Variants in TXNRD2 observed in about 807,000 individuals in gnomAD.
TXNRD2 encodes thioredoxin reductase 2, mitochondrial.
In TXNRD2, 67 loss-of-function variants were observed where a neutral mutation model predicts 70.8. That is an observed-to-expected ratio of 0.95 (90% CI 0.78 to 1.16). The LOEUF (loss-of-function observed/expected upper bound fraction) is 1.16. Ranked by LOEUF, TXNRD2 falls within the 50% of genes most tolerant of loss-of-function variation. The pLI, the probability that TXNRD2 is intolerant of heterozygous loss-of-function variation, is 0.00. For synonymous variants in TXNRD2, 301 were observed against 295.8 expected, an observed-to-expected ratio of 1.02 and a Z score of -0.18; for missense variants, 644 against 719.9, an observed-to-expected ratio of 0.89 and a Z score of 1.21.
rs539994204 is a variant in TXNRD2, at chr22:19,927,576, C to T, written c.172+3454G>A. On this transcript the variant is annotated intron_variant, in intron 2 of 17. Coordinates refer to ENST00000400521, the MANE Select transcript of TXNRD2 (RefSeq NM_006440.5). ...GGCTGAGGTGGGAAAATCGCTTGAA[C>T]CCGGGAGGTGGAGGTTGCAGTGAGC... 1.1e-3 allele frequency among the ~76,000 whole-genome samples: 170 copies of T among 148,466 alleles called. 1 individual carries two copies. Among genetic ancestry groups the T allele is most frequent in the Non-Finnish European group, 2.2e-3 (149 of 67,452 alleles).
intron 11 of TXNRD2, among the ~76,000 whole-genome samples, chr22:19,886,894 C>A (rs1939057660): frequency 6.6e-6 from 1 of 152,184 alleles, no homozygotes; most frequent in African/African-American, 2.4e-5. Flanking sequence ...CCTGGGGCAC[C>A]AGCTTGCCAT....
chr22:19,931,747 T>C (rs1941368293), intron 1 of TXNRD2, among the ~76,000 whole-genome samples: 1 of 152,064 alleles, frequency 6.6e-6, no homozygotes, highest in African/African-American at 2.4e-5. Flanking sequence ...AAGCAATCCT[T>C]CCACCTTGGC....
intron 2 of TXNRD2, among the ~76,000 whole-genome samples, chr22:19,928,126 A>C (rs1030125638): frequency 2.0e-5 from 3 of 146,636 alleles, no homozygotes; most frequent in African/African-American, 7.6e-5. Flanking sequence ...AAAAAAAAAA[A>C]CTTGAGTAAA....
intron 7 of TXNRD2, among the ~76,000 whole-genome samples, chr22:19,912,828 C>A (rs2146029645): frequency 6.6e-6 from 1 of 152,370 alleles, no homozygotes; most frequent in Middle Eastern, 3.4e-3. Flanking sequence ...GGGGCCGCTC[C>A]TTTCCCTGTT....
chr22:19,922,686 T>C (rs543707835), intron 2 of TXNRD2, among the ~76,000 whole-genome samples: 1 of 152,218 alleles, frequency 6.6e-6, no homozygotes, highest in Non-Finnish European at 1.5e-5. Context: ...GTGGGAAGGA[T>C]CTTTTTTTCT....
At chr22:19,884,168 C>T (rs12158214) in intron 11 of TXNRD2, 30,020 of 152,502 alleles carry the variant, frequency 0.2, 3,656 homozygotes, top group African/African-American at 0.34. Flanking sequence ...AAAGAATGTC[C>T]ACTTAGAACT....
chr22:19,878,624 C>T lies in TXNRD2; in HGVS notation c.1276-187G>A, dbSNP rs570387081. On this transcript the variant is annotated intron_variant, in intron 14 of 17. Coordinates refer to ENST00000400521, the MANE Select transcript of TXNRD2 (RefSeq NM_006440.5). The stretch of plus-strand genomic sequence containing the variant: ...CACGGGGTGTGTGCAGGCCCTCTCA[C>T]GTGCAGGCAGCCAGTGGCTGGAGCC... Among the ~76,000 whole-genome samples, 3 of 152,328 alleles carry T rather than the reference C, an allele frequency of 2.0e-5. No homozygotes were observed. The East Asian group carries it at 5.8e-4, about 29-fold the overall frequency.
intron 1 of TXNRD2, chr22:19,932,424 C>A: frequency 6.2e-7 from 1 of 1,612,444 alleles, no homozygotes; most frequent in South Asian, 1.1e-5. Context: ...CAAAAGGTGT[C>A]ATCGTGTCTA....
intron 11 of TXNRD2, chr22:19,887,472 C>T (rs1037461310): frequency 2.6e-5 from 4 of 152,230 alleles, no homozygotes; most frequent in African/African-American, 9.7e-5. Context: ...GTTTAAGCAG[C>T]AGACAGAGCT....
intron 7 of TXNRD2, among the ~76,000 whole-genome samples, chr22:19,912,477 C>A (rs1363195544): frequency 6.6e-5 from 10 of 152,158 alleles, no homozygotes; most frequent in Non-Finnish European, 1.2e-4. Context: ...AGAGCAGGGC[C>A]GGGCCAGGCC....
At chr22:19,911,539 C>T (rs1940412534) in intron 7 of TXNRD2, 92 bp from the exon 8 acceptor site, 1 of 975,368 alleles carries the variant, frequency 1.0e-6, no homozygotes, top group Admixed American at 1.8e-5. Context: ...CAGAATCAAG[C>T]AGAGCTTTCC....
At chr22:19,878,562 A>C in intron 14 of TXNRD2, 125 bp from the exon 15 acceptor site, 1 of 930,544 alleles carries the variant, frequency 1.1e-6, no homozygotes, top group Non-Finnish European at 1.8e-6. Flanking sequence ...TCTGGCCTGA[A>C]GGTCTGGTCT....
chr22:19,899,185 G>T, intron 8 of TXNRD2, 117 bp from the exon 9 acceptor site: 1 of 1,347,724 alleles, frequency 7.4e-7, no homozygotes, highest in Non-Finnish European at 1.0e-6. Flanking sequence ...TGGGCTCCAA[G>T]GTTACTGTTC....
At chr22:19,936,072 G>C (rs1261722197) in intron 1 of TXNRD2, among the ~76,000 whole-genome samples, 1 of 152,180 alleles carries the variant, frequency 6.6e-6, no homozygotes, top group Non-Finnish European at 1.5e-5. Context: ...TTCCTGAAAA[G>C]GGAACGTTAG....
intron 17 of TXNRD2, 44 bp downstream of exon 17, chr22:19,876,996 G>T: frequency 7.2e-7 from 1 of 1,388,002 alleles, no homozygotes; most frequent in Non-Finnish European, 9.6e-7. Context: ...CTGCACCCCT[G>T]CCACATGCCC....
At chr22:19,891,672 GCTGA>G (rs1317109079) in intron 11 of TXNRD2, 5 of 152,240 alleles carry the variant, frequency 3.3e-5, no homozygotes, top group Non-Finnish European at 7.3e-5. Flanking sequence ...AGCAGTGCTG[GCTGA>G]CTGTCTTCAC....
chr22:19,895,062 G>A, intron 11 of TXNRD2: 1 of 1,587,150 alleles, frequency 6.3e-7, no homozygotes, highest in South Asian at 1.1e-5. Flanking sequence ...ATAAGCAATT[G>A]CTCAAGGGCC....
intron 8 of TXNRD2, among the ~76,000 whole-genome samples, chr22:19,906,119 G>T (rs540735793): frequency 6.6e-6 from 1 of 152,198 alleles, no homozygotes; most frequent in Admixed American, 6.5e-5. Flanking sequence ...CAAACCAGCT[G>T]GAGGGTAAGA....
intron 14 of TXNRD2, among the ~76,000 whole-genome samples, chr22:19,879,182 G>A (rs1297790145): frequency 6.6e-6 from 1 of 152,226 alleles, no homozygotes; most frequent in Admixed American, 6.5e-5. Context: ...GTGCCTCGGG[G>A]AAGGCTGGCC....
Sources: allele counts gnomAD v4.1 joint callset (sites outside exome capture counted in the v4.1 genomes callset), GRCh38; gene constraint gnomAD v4.1.1; transcripts MANE v1.5; gene names NCBI Gene and HGNC (gene_info 2026-07-23, HGNC 2026-07-21).